TIPARP: variants seen among roughly 807,000 people sequenced by gnomAD.
TIPARP encodes the protein TCDD inducible poly(ADP-ribose) polymerase.
Under a neutral mutation model 56.5 loss-of-function variants are expected in TIPARP, and 12 were observed. That is an observed-to-expected ratio of 0.21 (90% confidence interval 0.14 to 0.34). The LOEUF (loss-of-function observed/expected upper bound fraction) is 0.34, where lower values mean the gene tolerates loss of function less well. Ranked by LOEUF, TIPARP falls within the 10% of genes least tolerant of loss-of-function variation. The pLI, the probability that TIPARP is intolerant of heterozygous loss-of-function variation, is 1.00. For synonymous variants in TIPARP, 296 were observed against 265.7 expected (o/e 1.11, Z -1.11); for missense variants, 604 against 781.6 (o/e 0.77, Z 2.71).
intron 2 of TIPARP, among the ~76,000 whole-genome samples, chr3:156,692,902 G>A (rs1577038944): frequency 6.6e-6 from 1 of 152,020 alleles, no homozygotes; most frequent in African/African-American, 2.4e-5. Flanking sequence ...CTGGAGTGCA[G>A]TGGTGCAACC....
intron 2 of TIPARP, among the ~76,000 whole-genome samples, chr3:156,690,778 T>C (rs1722553460): frequency 2.0e-5 from 3 of 152,108 alleles, no homozygotes; most frequent in Admixed American, 1.3e-4. Context: ...ACCCATACTC[T>C]TTTTTGGCTG....
Position 156,705,800 on chromosome 3 carries a change from A to C in TIPARP, c.*669A>C, listed in dbSNP as rs1208806612. Reference sequence around the variant, plus strand: ...CATTTGAAAAATTTTTGTCACCAGCAAAACTTTTCACTAATTAGTGATATG... The same window carrying C: ...CATTTGAAAAATTTTTGTCACCAGCCAAACTTTTCACTAATTAGTGATATG... On this transcript the variant is annotated 3_prime_UTR_variant, in exon 6 of 6. Coordinates refer to ENST00000295924, the MANE Select transcript of TIPARP (RefSeq NM_015508.5). 6.6e-6 allele frequency: 1 copy of C among 152,666 alleles called. No individual in the cohort carries two copies. The highest frequency in any genetic ancestry group is 1.5e-5 in the Non-Finnish European group (1 of 68,046). The allele number at this position is 152,666 out of a possible 1,614,324, so 9.5% of individuals were successfully genotyped here. A position where few individuals can be genotyped will look rare whatever the true frequency, so the allele number is the denominator to read the frequency against.
Position 156,703,464 on chromosome 3 carries a change from G to A in TIPARP, c.1288G>A (p.Glu430Lys). 1 of 1,614,188 alleles carries A rather than the reference G, an allele frequency of 6.2e-7. No individual in the cohort carries two copies. The highest frequency in any genetic ancestry group is 1.7e-5 in the Admixed American group (1 of 60,026). ...TCCCACACAAGCTCCTCCACCTCTTGAAGCAACTTCATCATCACAAATTAT... is the reference window on the plus strand; with the variant it reads ...TCCCACACAAGCTCCTCCACCTCTTAAAGCAACTTCATCATCACAAATTAT... ...GVPTQAPPPL[E>K]ATSSSQIICP... Residue 430 changes from glutamate (E) to lysine (K), a missense_variant, in exon 5 of 6, where the codon GAA (glutamate) becomes AAA (lysine). Glu to Lys is a moderately conservative substitution (Grantham distance 56, BLOSUM62 1). Coordinates refer to ENST00000295924, the MANE Select transcript of TIPARP (RefSeq NM_015508.5).
chr3:156,674,922 G>A (rs1455830883), intron 1 of TIPARP, 126 bp downstream of exon 1: 5 of 152,648 alleles, frequency 3.3e-5, no homozygotes, highest in African/African-American at 9.6e-5. Context: ...CGCGGATCGG[G>A]GTGATTGATT....
intron 4 of TIPARP, among the ~76,000 whole-genome samples, chr3:156,696,786 T>C (rs1451224644): frequency 1.3e-5 from 2 of 152,206 alleles, no homozygotes; most frequent in Non-Finnish European, 2.9e-5. Flanking sequence ...AGATATGCTA[T>C]TTTTAGAGAC....
Position 156,692,396 on chromosome 3 carries a change from A to G in TIPARP, c.918-1624A>G, listed in dbSNP as rs536062866. On this transcript the variant is annotated intron_variant, in intron 2 of 5. Coordinates refer to ENST00000295924, the MANE Select transcript of TIPARP (RefSeq NM_015508.5). The stretch of plus-strand genomic sequence containing the variant: ...TCACTTTTTAGGATTTCCCAGAAAC[A>G]TTTTTCTATTTGAATTAAATATTCC... Among the ~76,000 whole-genome samples the G allele has an allele frequency of 1.9e-3, 283 of 152,192 alleles. 4 individuals are homozygous for G. Among genetic ancestry groups the G allele is most frequent in the African/African-American group, 6.5e-3 (269 of 41,562 alleles).
At chr3:156,686,245 A>G (rs1435793259) in intron 2 of TIPARP, among the ~76,000 whole-genome samples, 2 of 152,220 alleles carry the variant, frequency 1.3e-5, no homozygotes, top group East Asian at 1.9e-4. Context: ...TTTGTTACTC[A>G]GAAATAATTT....
chr3:156,679,920 G>GT (rs1057100518), intron 2 of TIPARP, among the ~76,000 whole-genome samples: 5 of 151,798 alleles, frequency 3.3e-5, no homozygotes, highest in South Asian at 2.1e-4. Flanking sequence ...CAGAAACATG[G>GT]TTTTTTTTGT....
chr3:156,706,321 T>C lies in TIPARP; in HGVS notation c.*1190T>C, dbSNP rs1722981695. The C allele has an allele frequency of 6.6e-6, 1 of 152,668 alleles. No individual in the cohort carries two copies. Among genetic ancestry groups the C allele is most frequent in the Non-Finnish European group, 1.5e-5 (1 of 68,034 alleles). The allele number at this position is 152,668 out of a possible 1,614,324, so 9.5% of individuals were successfully genotyped here. A position where few individuals can be genotyped will look rare whatever the true frequency, so the allele number is the denominator to read the frequency against. ...ATACCTGGATTTACAAAAGTGAAAG[T>C]AGTTGTTCACAAAAGAATTCGCCAT... On this transcript the variant is annotated 3_prime_UTR_variant, in exon 6 of 6. Coordinates refer to ENST00000295924, the MANE Select transcript of TIPARP (RefSeq NM_015508.5).
chr3:156,676,446 T>A (rs1464801102), intron 1 of TIPARP, among the ~76,000 whole-genome samples: 1 of 151,356 alleles, frequency 6.6e-6, no homozygotes, highest in East Asian at 1.9e-4. Flanking sequence ...TTTTACCTTT[T>A]GTTGTTGACC....
chr3:156,690,373 A>T (rs2108492432), intron 2 of TIPARP, among the ~76,000 whole-genome samples: 1 of 152,212 alleles, frequency 6.6e-6, no homozygotes, highest in Middle Eastern at 3.4e-3. Flanking sequence ...ATACTTTCTG[A>T]CTTAATGTGG....
Position 156,678,241 on chromosome 3 carries a change from A to G in TIPARP, c.544A>G (p.Ile182Val), listed in dbSNP as rs140976569. Residue 182 changes from isoleucine (I) to valine (V), a missense_variant, in exon 2 of 6, where the codon ATA becomes GTA. By Grantham distance (29) the Ile-to-Val change is conservative. This residue lies in a region of TIPARP where 261 missense variants were observed against 279.2 expected (regional missense o/e 0.93). Coordinates refer to ENST00000295924, the MANE Select transcript of TIPARP (RefSeq NM_015508.5). Reference protein sequence around the residue: ...PTSPDCLDKVIDYVPGIFQEN... With the variant: ...PTSPDCLDKVVDYVPGIFQEN... ...TAGTCCTGACTGCTTAGACAAAGTC[A>G]TAGATTATGTTCCAGGCATTTTCCA... 5 of 1,614,146 alleles carry G rather than the reference A, an allele frequency of 3.1e-6. No homozygotes were observed. The highest frequency in any genetic ancestry group is 4.5e-5 in the East Asian group (2 of 44,892).
chr3:156,698,121 A>G (rs1303812201), intron 4 of TIPARP, among the ~76,000 whole-genome samples: 1 of 152,218 alleles, frequency 6.6e-6, no homozygotes, highest in Non-Finnish European at 1.5e-5. Flanking sequence ...GCAAGGCCCT[A>G]ACTTTTTTCA....
At position 156,678,522 on chromosome 3, in the gene TIPARP, T is replaced by C. The variant is rs769926132; in HGVS notation, c.825T>C (p.Thr275=). ...ATTGGCAGATCAAAAGGACAACTAC[T>C]CAAAAGTGGCAGAGTGTATTCAATG... ...PYHWQIKRTT[T]QKWQSVFNDS... Residue 275 remains threonine (T), a synonymous_variant, in exon 2 of 6, where the codon ACT becomes ACC. Coordinates refer to ENST00000295924, the MANE Select transcript of TIPARP (RefSeq NM_015508.5). 2 of 1,614,166 alleles carry C rather than the reference T, an allele frequency of 1.2e-6. No homozygotes were observed. The highest frequency in any genetic ancestry group is 3.3e-5 in the Admixed American group (2 of 60,022).
chr3:156,684,475 T>G (rs920444028), intron 2 of TIPARP, among the ~76,000 whole-genome samples: 1 of 152,158 alleles, frequency 6.6e-6, no homozygotes, highest in African/African-American at 2.4e-5. Context: ...AGACCAAGTT[T>G]CAGGCTGGAG....
At chr3:156,678,675 T>G (rs1722214486) in intron 2 of TIPARP, 61 bp downstream of exon 2, 1 of 1,472,014 alleles carries the variant, frequency 6.8e-7, no homozygotes, top group Non-Finnish European at 9.1e-7. Context: ...GTAAAGAAGC[T>G]AAAAGCTTAG....
chr3:156,700,919 C>T (rs148988747), intron 4 of TIPARP, among the ~76,000 whole-genome samples: 2 of 152,278 alleles, frequency 1.3e-5, no homozygotes, highest in Middle Eastern at 3.4e-3. Context: ...GGCTGGTGTC[C>T]GTCTGTGAAA....
chr3:156,682,491 A>G (rs1722333132), intron 2 of TIPARP, among the ~76,000 whole-genome samples: 1 of 152,214 alleles, frequency 6.6e-6, no homozygotes, highest in African/African-American at 2.4e-5. Flanking sequence ...GGACAATACC[A>G]TTAGATGACT....
chr3:156,699,292 G>A (rs1192712958), intron 4 of TIPARP, among the ~76,000 whole-genome samples: 2 of 152,164 alleles, frequency 1.3e-5, no homozygotes, highest in East Asian at 3.8e-4. Flanking sequence ...GCTTTCAGAT[G>A]GTACTGCATG....
Sources: gnomAD v4.1 joint callset for allele counts (sites outside exome capture counted in the v4.1 genomes callset) on GRCh38, gnomAD v4.1.1 for gene constraint, gnomAD v4.1.1 regional missense constraint, MANE v1.5 for transcripts, NCBI Gene and HGNC (gene_info 2026-07-23, HGNC 2026-07-21) for gene names.